The following SPIDR variants were observed in gnomAD, a reference collection of about 807,000 sequenced individuals.
SPIDR encodes the protein DNA repair-scaffolding protein.
In SPIDR, 93 loss-of-function variants were observed where a neutral mutation model predicts 104.6. The ratio of observed to expected loss-of-function variants is 0.89; its 90% CI spans 0.75 to 1.06. The LOEUF is 1.06. SPIDR is among the 50% of genes least tolerant of loss of function. The pLI, the probability that SPIDR is intolerant of heterozygous loss-of-function variation, is 0.00. For synonymous variants in SPIDR, 431 were observed against 416.9 expected (o/e 1.03, Z -0.41); for missense variants, 1,154 against 1,111.2 (o/e 1.04, Z -0.55).
rs527325482 is a variant in SPIDR at position 47,440,203 on chromosome 8, A to G, written c.878-120A>G. On this transcript the variant is annotated intron_variant, in intron 7 of 19. Transcript: ENST00000297423. ...TTTTACTTTGCAAAATGTGGAGACCATTTTCTCCAGGTGAAGAGTGCTATC... is the reference window on the plus strand; with the variant it reads ...TTTTACTTTGCAAAATGTGGAGACCGTTTTCTCCAGGTGAAGAGTGCTATC... The G allele has an allele frequency of 1.8e-4, 151 of 821,750 alleles. 1 individual carries two copies. The African/African-American group carries it at 2.4e-3, about 13-fold the overall frequency. 50.9% of individuals were successfully genotyped at this position (821,750 alleles called of 1,614,324 possible). A position where few individuals can be genotyped will look rare whatever the true frequency, so the allele number is the denominator to read the frequency against.
intron 10 of SPIDR, chr8:47,668,012 A>C (rs2075227377): frequency 6.6e-6 from 1 of 152,196 alleles, no homozygotes; most frequent in Non-Finnish European, 1.5e-5. Context: ...GAAAAAAATT[A>C]AAAAGTTCAA....
chr8:47,500,187 T>C (rs1192813427), intron 8 of SPIDR, among the ~76,000 whole-genome samples: 4 of 152,210 alleles, frequency 2.6e-5, no homozygotes, highest in Non-Finnish European at 2.9e-5. Context: ...CAAATGGTAT[T>C]TCTAGTTCTA....
chr8:47,601,787 T>C (rs1053364891), intron 10 of SPIDR, among the ~76,000 whole-genome samples: 5 of 152,136 alleles, frequency 3.3e-5, no homozygotes, highest in African/African-American at 1.2e-4. Flanking sequence ...AGTGCAAGTG[T>C]TTTGCCCTGG....
intron 8 of SPIDR, chr8:47,511,974 G>A (rs189306473): frequency 1.0e-5 from 8 of 790,736 alleles, no homozygotes; most frequent in African/African-American, 1.0e-4. Flanking sequence ...CTGAACTGGG[G>A]GTTGCCTGTG....
At chr8:47,726,615 G>A (rs1418274488) in intron 16 of SPIDR, among the ~76,000 whole-genome samples, 2 of 152,214 alleles carry the variant, frequency 1.3e-5, no homozygotes, top group Non-Finnish European at 2.9e-5. Context: ...CGCCCTGGCT[G>A]TCTTGTGGAC....
At chr8:47,315,409 A>G (rs1458805377) in intron 5 of SPIDR, among the ~76,000 whole-genome samples, 3 of 152,288 alleles carry the variant, frequency 2.0e-5, no homozygotes, top group Non-Finnish European at 1.5e-5. Context: ...CAATAGCAAT[A>G]AGATATTCAG....
At chr8:47,686,916 GC>G (rs1371120766) in intron 11 of SPIDR, among the ~76,000 whole-genome samples, 2 of 151,018 alleles carry the variant, frequency 1.3e-5, no homozygotes, top group African/African-American at 2.4e-5. Flanking sequence ...TAATTACACT[GC>G]CTGCTTTTGG....
At chr8:47,443,890 G>T (rs1585802165) in intron 8 of SPIDR, among the ~76,000 whole-genome samples, 1 of 152,006 alleles carries the variant, frequency 6.6e-6, no homozygotes. Flanking sequence ...ATATTACCTG[G>T]TAAACTCTCA....
At chr8:47,471,788 T>G (rs1188975575) in intron 8 of SPIDR, among the ~76,000 whole-genome samples, 3 of 152,376 alleles carry the variant, frequency 2.0e-5, no homozygotes, top group African/African-American at 7.2e-5. Context: ...GGTGTTTGTT[T>G]CAGTTCATAA....
intron 8 of SPIDR, among the ~76,000 whole-genome samples, chr8:47,490,325 G>A (rs548830106): frequency 1.9e-4 from 29 of 152,242 alleles, no homozygotes; most frequent in South Asian, 4.1e-4. Context: ...TTAGAATGGC[G>A]ATCATTAAAA....
At chr8:47,647,641 A>AGAGAGAGAGAGAGAGAGAGAGAGAGG (rs1563415769) in intron 10 of SPIDR, among the ~76,000 whole-genome samples, 4 of 145,038 alleles carry the variant, frequency 2.8e-5, no homozygotes, top group African/African-American at 7.9e-5. Flanking sequence ...AGAGAGAGAG[A>AGAGAGAGAGAGAGAGAGAGAGAGAGG]GAGAGAGAGA....
At chr8:47,624,853 T>C (rs1223723428) in intron 10 of SPIDR, among the ~76,000 whole-genome samples, 1 of 152,006 alleles carries the variant, frequency 6.6e-6, no homozygotes, top group Non-Finnish European at 1.5e-5. Flanking sequence ...TTCCAATCAA[T>C]AGAAAAAGAG....
chr8:47,457,690 C>T (rs1291398383), intron 8 of SPIDR, among the ~76,000 whole-genome samples: 5 of 151,976 alleles, frequency 3.3e-5, no homozygotes, highest in South Asian at 2.1e-4. Context: ...AGGGTTTTTC[C>T]GATGTTATCT....
chr8:47,278,591 T>C (rs2037077632), intron 1 of SPIDR, among the ~76,000 whole-genome samples: 1 of 152,066 alleles, frequency 6.6e-6, no homozygotes. Context: ...GGTTTCATGT[T>C]CTAGTCACCT....
At chr8:47,357,124 CAT>C (rs782039482) in intron 5 of SPIDR, among the ~76,000 whole-genome samples, 3 of 152,276 alleles carry the variant, frequency 2.0e-5, no homozygotes, top group South Asian at 2.1e-4. Flanking sequence ...GCTTGTGTAA[CAT>C]ATTTTCTTAA....
chr8:47,510,044 A>T (rs1392347107), intron 8 of SPIDR, among the ~76,000 whole-genome samples: 3 of 151,956 alleles, frequency 2.0e-5, no homozygotes, highest in African/African-American at 4.8e-5. Context: ...TTATTAAGAA[A>T]CTCAAATACA....
At chr8:47,698,428 T>C (rs1055660845) in intron 11 of SPIDR, among the ~76,000 whole-genome samples, 3 of 152,236 alleles carry the variant, frequency 2.0e-5, no homozygotes, top group Non-Finnish European at 4.4e-5. Flanking sequence ...ACAACTCTGC[T>C]TCACAAGGCA....
At chr8:47,686,513 T>A (rs2077848195) in intron 11 of SPIDR, among the ~76,000 whole-genome samples, 1 of 152,180 alleles carries the variant, frequency 6.6e-6, no homozygotes. Context: ...AGTCACTCTA[T>A]TTTTTCATTT....
At chr8:47,587,395 G>A (rs2060360679) in intron 8 of SPIDR, among the ~76,000 whole-genome samples, 2 of 151,980 alleles carry the variant, frequency 1.3e-5, no homozygotes, top group Admixed American at 1.3e-4. Context: ...CTTGAGGTCA[G>A]GACTTCAAGG....
Sources: allele counts gnomAD v4.1 joint callset (sites outside exome capture counted in the v4.1 genomes callset), GRCh38; gene constraint gnomAD v4.1.1; transcripts MANE v1.5; gene names NCBI Gene and HGNC (gene_info 2026-07-23, HGNC 2026-07-21).